C19orf47: variants seen among roughly 807,000 people sequenced by gnomAD.
The protein encoded by C19orf47 is chromosome 19 open reading frame 47.
C19orf47 carries 18 observed loss-of-function variants against 32.3 expected under a neutral mutation model. The ratio of observed to expected loss-of-function variants is 0.56; its 90% CI spans 0.39 to 0.83. The LOEUF is 0.83. Among genes scored for constraint, C19orf47 ranks in the 40% least tolerant of loss-of-function variants. The probability of loss-of-function intolerance (pLI) is 0.00; values close to 1 mark genes in which losing one functional copy is unlikely to be tolerated. For synonymous variants in C19orf47, 202 were observed against 211.1 expected (o/e 0.96, Z 0.37); for missense variants, 484 against 531.6 (o/e 0.91, Z 0.88).
the C19orf47 span, among the ~76,000 whole-genome samples, chr19:40,297,389 A>AACCC: frequency 6.6e-6 from 1 of 152,068 alleles, no homozygotes; most frequent in African/African-American, 2.4e-5. Flanking sequence ...AACATAGTGA[A>AACCC]ACCCAGTCTC....
chr19:40,348,386 C>CA lies in C19orf47; in HGVS notation c.-97dup, dbSNP rs2078376978. 5 of 1,454,048 alleles carry CA rather than the reference C, an allele frequency of 3.4e-6. No homozygotes were observed. The Admixed American group carries it at 1.0e-4, about 30-fold the overall frequency. The allele number at this position is 1,454,048 out of a possible 1,614,324, so 90.1% of individuals were successfully genotyped here. ...CCTCCCTCCCGGCGGCGCCAACTGTCAGACACTCCTCCCCCGGCCCGGGCT... is the reference window on the plus strand; with the variant it reads ...CCTCCCTCCCGGCGGCGCCAACTGTCAAGACACTCCTCCCCCGGCCCGGGCT... On this transcript the variant is annotated 5_prime_UTR_variant, in exon 1 of 9. Transcript: ENST00000683109.
At chr19:40,295,355 A>C in the C19orf47 span, among the ~76,000 whole-genome samples, 2 of 151,218 alleles carry the variant, frequency 1.3e-5, no homozygotes, top group Non-Finnish European at 3.0e-5. Flanking sequence ...TGGAAAGATC[A>C]AGAAGAAAAG....
intron 8 of C19orf47, among the ~76,000 whole-genome samples, 170 bp from the exon 9 acceptor site, chr19:40,322,546 A>T (rs1251130606): frequency 6.6e-6 from 1 of 152,176 alleles, no homozygotes; most frequent in Non-Finnish European, 1.5e-5. Flanking sequence ...AGGGGACTGG[A>T]GGAGCCCAGA....
the C19orf47 span, among the ~76,000 whole-genome samples, chr19:40,312,858 T>G: frequency 6.6e-6 from 1 of 152,238 alleles, no homozygotes; most frequent in African/African-American, 2.4e-5. Flanking sequence ...GATTGTTAAT[T>G]TAAGCCACTA....
Position 40,321,678 on chromosome 19 carries a change from G to A in C19orf47, c.*204C>T. 13 of 1,404,818 alleles carry A rather than the reference G, an allele frequency of 9.3e-6. No individual in the cohort carries two copies. The highest frequency in any genetic ancestry group is 1.0e-5 in the Non-Finnish European group (11 of 1,085,956). 87.0% of individuals were successfully genotyped at this position (1,404,818 alleles called of 1,614,324 possible). On this transcript the variant is annotated 3_prime_UTR_variant, in exon 9 of 9. Transcript: ENST00000683109. Reference sequence around the variant, plus strand: ...GAGGACATGAGAGAAGGGGAGTCCTGGAGCAGGCCAGGCCAGCTGCGACGA... The same window carrying A: ...GAGGACATGAGAGAAGGGGAGTCCTAGAGCAGGCCAGGCCAGCTGCGACGA...
rs1439423981 is a variant in C19orf47, at chr19:40,328,547, G to A, written c.305C>T (p.Ala102Val). The stretch of plus-strand genomic sequence containing the variant: ...CAGGCTGTTGGTGATCATTCGGGAG[G>A]CAGCTGTGGGGAGAAAAGGAGAGTC... ...AGEIRRGTSA[A>V]SRMITNSLNH... Residue 102 changes from alanine (A) to valine (V), a missense_variant, in exon 6 of 9, where the codon GCC becomes GTC. Physicochemically the swap from Ala to Val is moderately conservative, Grantham distance 64. Transcript: ENST00000683109. The A allele has an allele frequency of 1.9e-6, 3 of 1,604,704 alleles. No homozygotes were observed. The highest frequency in any genetic ancestry group is 2.3e-5 in the East Asian group (1 of 44,244).
chr19:40,310,112 C>T, the C19orf47 span, among the ~76,000 whole-genome samples: 4 of 152,134 alleles, frequency 2.6e-5, no homozygotes, highest in African/African-American at 9.7e-5. Context: ...AAAGTATAAA[C>T]AACCCAAATG....
rs1320262393 is a variant in C19orf47 at position 40,326,521 on chromosome 19, G to A, written c.440-35C>T. The stretch of plus-strand genomic sequence containing the variant: ...GAAAGCAGGGGTATCAGCACTCTCT[G>A]AGACAGAACGTTCTCCCAGGATGGA... On this transcript the variant is annotated intron_variant, in intron 6 of 8. Transcript: ENST00000683109. 7 of 1,600,468 alleles carry A rather than the reference G, an allele frequency of 4.4e-6. No homozygotes were observed. The East Asian group carries it at 1.3e-4, about 31-fold the overall frequency.
At chr19:40,330,983 C>CT (rs2077941219) in intron 5 of C19orf47, among the ~76,000 whole-genome samples, 1 of 152,156 alleles carries the variant, frequency 6.6e-6, no homozygotes, top group African/African-American at 2.4e-5. Context: ...TGGGTGCTGG[C>CT]TACATGGGTG....
Position 40,344,190 on chromosome 19 carries a change from C to T in C19orf47, c.-33-2300G>A, listed in dbSNP as rs117379097. 2.8e-3 allele frequency among the ~76,000 whole-genome samples: 426 copies of T among 152,038 alleles called. 2 individuals are homozygous for T. Among genetic ancestry groups the T allele is most frequent in the Middle Eastern group, 0.014 (4 of 294 alleles). ...CCTGAATTTTACCACTGGCCAAAGA[C>T]AATACAGGCCAGGAGCAGTGGCTCG... is the stretch of plus-strand genomic sequence containing the variant. On this transcript the variant is annotated intron_variant, in intron 1 of 8. Transcript: ENST00000683109.
At chr19:40,338,741 C>T (rs1212062534) in intron 2 of C19orf47, among the ~76,000 whole-genome samples, 1 of 151,930 alleles carries the variant, frequency 6.6e-6, no homozygotes, top group African/African-American at 2.4e-5. Context: ...TGGTCTCAAA[C>T]TCCTGGACTC....
At chr19:40,328,849 G>A (rs995775407) in intron 5 of C19orf47, among the ~76,000 whole-genome samples, 19 of 152,004 alleles carry the variant, frequency 1.2e-4, no homozygotes, top group African/African-American at 4.3e-4. Context: ...AGTTCGCTTC[G>A]CCCCTCCCGG....
intron 5 of C19orf47, among the ~76,000 whole-genome samples, chr19:40,332,349 T>A (rs888935371): frequency 2.0e-5 from 3 of 148,842 alleles, no homozygotes; most frequent in African/African-American, 7.5e-5. Flanking sequence ...AGCGAGACTA[T>A]CTCAAGGGAA....
chr19:40,313,498 A>G, the C19orf47 span, among the ~76,000 whole-genome samples: 1 of 151,766 alleles, frequency 6.6e-6, no homozygotes, highest in Non-Finnish European at 1.5e-5. Flanking sequence ...CTAATTTTTA[A>G]ATTTTTTGTA....
intron 6 of C19orf47, among the ~76,000 whole-genome samples, chr19:40,328,013 A>T (rs955429632): frequency 2.0e-5 from 3 of 152,132 alleles, no homozygotes; most frequent in African/African-American, 7.2e-5. Context: ...TCAAGGATGG[A>T]TCCCTTGGCT....
rs2077699012 is a variant in C19orf47, at chr19:40,320,361, C to G, written c.*1521G>C. On this transcript the variant is annotated 3_prime_UTR_variant, in exon 9 of 9. Transcript: ENST00000683109. ...ATTCCTCCTCCTTGATCACAACACC[C>G]CCAGCCACCTAGCCCCTGCCCACCC... The G allele has an allele frequency of 6.4e-6, 1 of 155,732 alleles. No individual in the cohort carries two copies. The highest frequency in any genetic ancestry group is 2.4e-5 in the African/African-American group (1 of 41,470). 9.6% of individuals were successfully genotyped at this position (155,732 alleles called of 1,614,324 possible).
intron 5 of C19orf47, among the ~76,000 whole-genome samples, chr19:40,329,366 C>T (rs2077901186): frequency 6.6e-6 from 1 of 151,884 alleles, no homozygotes; most frequent in Non-Finnish European, 1.5e-5. Flanking sequence ...ATCAGCCAGG[C>T]ATGGTGGCAT....
At chr19:40,322,949 AG>A (rs2077751906) in intron 8 of C19orf47, among the ~76,000 whole-genome samples, 1 of 152,208 alleles carries the variant, frequency 6.6e-6, no homozygotes, top group African/African-American at 2.4e-5. Context: ...GGCAGAAGAC[AG>A]GGGTGGCTCC....
chr19:40,306,778 G>T, the C19orf47 span, among the ~76,000 whole-genome samples: 1 of 137,380 alleles, frequency 7.3e-6, no homozygotes, highest in African/African-American at 2.7e-5. Context: ...TAGCCTGTAA[G>T]AATGTCATTA....
Sources: allele counts gnomAD v4.1 joint callset (sites outside exome capture counted in the v4.1 genomes callset), GRCh38; gene constraint gnomAD v4.1.1; transcripts MANE v1.5; gene names NCBI Gene and HGNC (gene_info 2026-07-23, HGNC 2026-07-21).